The following TRAT1 variants were observed in gnomAD, a reference collection of about 807,000 sequenced individuals.
TRAT1 encodes T cell receptor associated transmembrane adaptor 1.
Under a neutral mutation model 20.0 loss-of-function variants are expected in TRAT1, and 20 were observed. The ratio of observed to expected loss-of-function variants is 1.00; its 90% CI spans 0.70 to 1.45. The LOEUF (loss-of-function observed/expected upper bound fraction) is 1.45, where lower values mean the gene tolerates loss of function less well. TRAT1 is among the 40% of genes most tolerant of loss of function. The pLI, the probability that TRAT1 is intolerant of heterozygous loss-of-function variation, is 0.00. For synonymous variants in TRAT1, 77 were observed against 74.2 expected (o/e 1.04, Z -0.20); for missense variants, 237 against 224.1 (o/e 1.06, Z -0.37).
At position 108,852,234 on chromosome 3, in the gene TRAT1, A is replaced by T. The variant is rs540119318; in HGVS notation, c.304-1386A>T. 2.6e-5 allele frequency among the ~76,000 whole-genome samples: 4 copies of T among 152,326 alleles called. No homozygotes were observed. The East Asian group carries it at 7.7e-4, about 29-fold the overall frequency. On this transcript the variant is annotated intron_variant, in intron 5 of 5. Coordinates refer to ENST00000295756, the MANE Select transcript of TRAT1 (RefSeq NM_016388.4). ...CGTCTCTACTAAAAATACAAAAATT[A>T]GCCAGGCGTGGTGGTGGGCACCTAT...
chr3:108,830,219 A>T (rs1945780868), intron 1 of TRAT1, among the ~76,000 whole-genome samples: 2 of 152,248 alleles, frequency 1.3e-5, no homozygotes, highest in Non-Finnish European at 2.9e-5. Flanking sequence ...ATCCCAACAC[A>T]TCGTATTCTA....
intron 3 of TRAT1, among the ~76,000 whole-genome samples, 158 bp from the exon 4 acceptor site, chr3:108,846,910 G>A (rs887486514): frequency 3.3e-5 from 5 of 152,150 alleles, no homozygotes; most frequent in African/African-American, 7.2e-5. Flanking sequence ...ATGCATGCAC[G>A]TGTTCACTCA....
intron 5 of TRAT1, among the ~76,000 whole-genome samples, chr3:108,850,908 A>C (rs1261883055): frequency 1.3e-5 from 2 of 152,218 alleles, no homozygotes; most frequent in Non-Finnish European, 2.9e-5. Context: ...TTTGACCTGC[A>C]TCTGGCTTTC....
At chr3:108,827,555 T>C (rs1323759964) in intron 1 of TRAT1, among the ~76,000 whole-genome samples, 1 of 152,048 alleles carries the variant, frequency 6.6e-6, no homozygotes, top group Non-Finnish European at 1.5e-5. Flanking sequence ...GTGAAAGATA[T>C]TAAGAATGTC....
At chr3:108,830,941 C>T (rs1945786997) in intron 2 of TRAT1, among the ~76,000 whole-genome samples, 161 bp downstream of exon 2, 1 of 152,184 alleles carries the variant, frequency 6.6e-6, no homozygotes, top group African/African-American at 2.4e-5. Context: ...AAAGGGTTCT[C>T]TTATTTAAGA....
At chr3:108,825,804 T>C (rs932097248) in intron 1 of TRAT1, among the ~76,000 whole-genome samples, 3 of 152,158 alleles carry the variant, frequency 2.0e-5, no homozygotes, top group Non-Finnish European at 2.9e-5. Context: ...TAGGCCTTCT[T>C]GAAATATTAA....
intron 3 of TRAT1, among the ~76,000 whole-genome samples, chr3:108,846,289 G>A (rs1184942350): frequency 1.3e-5 from 2 of 152,208 alleles, no homozygotes. Context: ...GGTTGAATGA[G>A]CACTTGCATA....
At chr3:108,853,136 G>A (rs1400031801) in intron 5 of TRAT1, among the ~76,000 whole-genome samples, 2 of 152,164 alleles carry the variant, frequency 1.3e-5, no homozygotes, top group Non-Finnish European at 2.9e-5. Context: ...TTATACTTCT[G>A]AATCTTAAAA....
At chr3:108,847,682 T>A (rs1160032522) in intron 4 of TRAT1, among the ~76,000 whole-genome samples, 2 of 152,206 alleles carry the variant, frequency 1.3e-5, no homozygotes, top group African/African-American at 2.4e-5. Flanking sequence ...CCCTTATCAC[T>A]TGTGTCATCC....
At chr3:108,842,112 G>A (rs1276906775) in intron 3 of TRAT1, among the ~76,000 whole-genome samples, 4 of 152,202 alleles carry the variant, frequency 2.6e-5, no homozygotes, top group Non-Finnish European at 5.9e-5. Flanking sequence ...CAAGAAAGCA[G>A]TTCAGGTTTA....
chr3:108,853,499 G>C (rs1946015784), intron 5 of TRAT1, 121 bp from the exon 6 acceptor site: 1 of 1,213,488 alleles, frequency 8.2e-7, no homozygotes, highest in Admixed American at 2.3e-5. Flanking sequence ...GACAAATTTG[G>C]CAAAACAAGG....
At chr3:108,844,319 A>AT (rs1163841021) in intron 3 of TRAT1, among the ~76,000 whole-genome samples, 10,182 of 142,984 alleles carry the variant, frequency 0.071, 573 homozygotes, top group African/African-American at 0.16. Context: ...AGAAGTAGTG[A>AT]TTTTTTTTTT....
intron 3 of TRAT1, among the ~76,000 whole-genome samples, chr3:108,841,771 A>G (rs923210239): frequency 3.3e-5 from 5 of 152,034 alleles, no homozygotes; most frequent in African/African-American, 1.2e-4. Context: ...AATCAAATAC[A>G]CACTTTCTGC....
At chr3:108,829,754 T>G (rs1447703940) in intron 1 of TRAT1, among the ~76,000 whole-genome samples, 1 of 152,172 alleles carries the variant, frequency 6.6e-6, no homozygotes, top group Non-Finnish European at 1.5e-5. Flanking sequence ...ATGTTTATGG[T>G]GATGCTGGTG....
At chr3:108,829,518 A>G (rs1243337662) in intron 1 of TRAT1, among the ~76,000 whole-genome samples, 1 of 150,918 alleles carries the variant, frequency 6.6e-6, no homozygotes, top group East Asian at 2.0e-4. Context: ...TGGGAGGTGG[A>G]GGTTGTAGTG....
intron 3 of TRAT1, among the ~76,000 whole-genome samples, chr3:108,846,474 A>G (rs1297007781): frequency 1.3e-5 from 2 of 152,192 alleles, no homozygotes; most frequent in Non-Finnish European, 2.9e-5. Flanking sequence ...CACCTAACTC[A>G]CCATCTGGAC....
chr3:108,846,016 C>CT (rs1433362582), intron 3 of TRAT1, among the ~76,000 whole-genome samples: 2 of 152,180 alleles, frequency 1.3e-5, no homozygotes, highest in African/African-American at 4.8e-5. Flanking sequence ...TTCTCTTGAC[C>CT]TGAGGGTCGG....
intron 5 of TRAT1, among the ~76,000 whole-genome samples, chr3:108,850,879 C>T (rs1461181937): frequency 1.3e-5 from 2 of 152,172 alleles, no homozygotes; most frequent in East Asian, 3.9e-4. Flanking sequence ...ATACACATGA[C>T]TTGTACAGGG....
At chr3:108,838,352 TAGATGATAGATAG>T (rs2107510941) in intron 2 of TRAT1, among the ~76,000 whole-genome samples, 1 of 37,326 alleles carries the variant, frequency 2.7e-5, no homozygotes, top group South Asian at 5.9e-4. Context: ...TAGATATAGA[TAGATGATAGATAG>T]ATAGATAGAT....
Sources: gnomAD v4.1 joint callset for allele counts (sites outside exome capture counted in the v4.1 genomes callset) on GRCh38, gnomAD v4.1.1 for gene constraint, MANE v1.5 for transcripts, NCBI Gene and HGNC (gene_info 2026-07-23, HGNC 2026-07-21) for gene names.